PPP2R2C: variants seen among roughly 807,000 people sequenced by gnomAD.
The protein encoded by PPP2R2C is protein phosphatase 2 regulatory subunit Bgamma.
Under a neutral mutation model 45.3 loss-of-function variants are expected in PPP2R2C, and 10 were observed. That is an observed-to-expected ratio of 0.22 (90% CI 0.14 to 0.37). The LOEUF (loss-of-function observed/expected upper bound fraction) is 0.37, where lower values mean the gene tolerates loss of function less well. Ranked by LOEUF, PPP2R2C falls within the 10% of genes least tolerant of loss-of-function variation. PPP2R2C has a pLI of 1.00. For missense variants in PPP2R2C, 308 were observed against 619.7 expected (o/e 0.50, Z 5.34); for synonymous variants, 257 against 245.4 (o/e 1.05, Z -0.44).
At chr4:6,356,206 C>T (rs912350565) in intron 5 of PPP2R2C, among the ~76,000 whole-genome samples, 1 of 152,080 alleles carries the variant, frequency 6.6e-6, no homozygotes, top group Non-Finnish European at 1.5e-5. Flanking sequence ...CAAAGTTGTT[C>T]TACTGTTTAT....
At chr4:6,383,069 T>C (rs533469361) in intron 1 of PPP2R2C, 18 of 1,094,948 alleles carry the variant, frequency 1.6e-5, no homozygotes, top group Admixed American at 4.9e-5. Context: ...GTCCCTGTGT[T>C]TTGCTTTGGC....
At chr4:6,509,736 G>A (rs1052655469) in intron 2 of PPP2R2C, among the ~76,000 whole-genome samples, 13 of 152,224 alleles carry the variant, frequency 8.5e-5, no homozygotes, top group African/African-American at 3.1e-4. Flanking sequence ...ATGCCTGTGA[G>A]TCACGCTCCA....
intron 1 of PPP2R2C, among the ~76,000 whole-genome samples, chr4:6,439,966 C>A (rs1368600538): frequency 6.6e-6 from 1 of 152,222 alleles, no homozygotes; most frequent in East Asian, 1.9e-4. Flanking sequence ...GTAGAAAACT[C>A]TTGCTAAGCT....
intron 5 of PPP2R2C, chr4:6,350,455 CCT>C: frequency 2.0e-6 from 2 of 985,426 alleles, no homozygotes; most frequent in African/African-American, 3.5e-5. Flanking sequence ...CTCTGCACAC[CCT>C]GAGACACACA....
intron 1 of PPP2R2C, among the ~76,000 whole-genome samples, chr4:6,405,345 C>A (rs150134070): frequency 6.6e-6 from 1 of 152,332 alleles, no homozygotes; most frequent in African/African-American, 2.4e-5. Context: ...ACAGGAAGCT[C>A]AGTGCCCTAA....
chr4:6,414,225 T>A (rs1407067073), intron 1 of PPP2R2C, among the ~76,000 whole-genome samples: 1 of 151,554 alleles, frequency 6.6e-6, no homozygotes, highest in Non-Finnish European at 1.5e-5. Context: ...TGGCGTGAGC[T>A]GGTAAGTTCA....
chr4:6,392,377 A>G (rs187893505), intron 1 of PPP2R2C, among the ~76,000 whole-genome samples: 89 of 151,086 alleles, frequency 5.9e-4, no homozygotes, highest in African/African-American at 1.6e-3. Flanking sequence ...ATGTCAATAA[A>G]TAGCTCTTGG....
At chr4:6,562,475 G>T (rs12508505) in intron 1 of PPP2R2C, among the ~76,000 whole-genome samples, 4,087 of 151,688 alleles carry the variant, frequency 0.027, 251 homozygotes, top group East Asian at 0.23. Flanking sequence ...AGTCGGGGGG[G>T]GGGGTTGGAT....
chr4:6,514,555 G>A (rs1295256646), intron 2 of PPP2R2C, among the ~76,000 whole-genome samples: 5 of 152,174 alleles, frequency 3.3e-5, no homozygotes, highest in African/African-American at 1.2e-4. Context: ...CACAGGCTCT[G>A]AACTCAAAAA....
intron 1 of PPP2R2C, among the ~76,000 whole-genome samples, chr4:6,557,006 T>C (rs966933491): frequency 2.6e-5 from 4 of 152,102 alleles, no homozygotes; most frequent in Admixed American, 2.6e-4. Flanking sequence ...AGGATCAGGT[T>C]CCAGGCACAG....
At chr4:6,398,701 C>A (rs115885389) in intron 1 of PPP2R2C, among the ~76,000 whole-genome samples, 268 of 152,230 alleles carry the variant, frequency 1.8e-3, no homozygotes, top group African/African-American at 5.8e-3. Flanking sequence ...TTTCTTAAAG[C>A]GTGAAAATAA....
chr4:6,380,725 C>T (rs1715712314), intron 2 of PPP2R2C, among the ~76,000 whole-genome samples: 2 of 152,038 alleles, frequency 1.3e-5, no homozygotes, highest in South Asian at 4.2e-4. Context: ...CAGTGCACTC[C>T]CCCTACCACC....
At position 6,376,941 on chromosome 4, in the gene PPP2R2C, C is replaced by T. The variant is rs114716586; in HGVS notation, c.335-1010G>A. Among the ~76,000 whole-genome samples the T allele has an allele frequency of 4.6e-3, 705 of 152,282 alleles. 2 individuals are homozygous for T. Among genetic ancestry groups the T allele is most frequent in the Non-Finnish European group, 8.7e-3 (592 of 68,030 alleles). On this transcript the variant is annotated intron_variant, in intron 3 of 8. Transcript: ENST00000382599. ...GAGGTGCATGGCGGGAGAACACCAT[C>T]AGAACAGCAGGTGCCCAGAGAGGGG...
At chr4:6,527,201 C>G (rs1458533523) in intron 2 of PPP2R2C, among the ~76,000 whole-genome samples, 1 of 152,210 alleles carries the variant, frequency 6.6e-6, no homozygotes, top group Non-Finnish European at 1.5e-5. Flanking sequence ...TTAATATTAG[C>G]TATTTGCTAC....
At chr4:6,469,077 CAAAAAAAAAAAAAAAAAA>C (rs142008829) in intron 1 of PPP2R2C, among the ~76,000 whole-genome samples, 4 of 56,154 alleles carry the variant, frequency 7.1e-5, no homozygotes, top group Admixed American at 5.5e-4. Flanking sequence ...GCCCTGCCAC[CAAAAAAAAAAAAAAAAAA>C]AAAAAAAAAA....
intron 5 of PPP2R2C, among the ~76,000 whole-genome samples, chr4:6,367,981 A>G (rs1714477456): frequency 6.6e-6 from 1 of 152,218 alleles, no homozygotes; most frequent in Non-Finnish European, 1.5e-5. Context: ...CACTAAGGCC[A>G]GGGTGCTTTA....
In PPP2R2C at chr4:6,420,996, C is replaced by T. The variant is rs1273556511; in HGVS notation, c.71-39902G>A. 5.1e-6 allele frequency: 5 copies of T among 985,142 alleles called. No homozygotes were observed. The African/African-American group carries it at 8.7e-5, about 17-fold the overall frequency. 61.0% of individuals were successfully genotyped at this position (985,142 alleles called of 1,614,324 possible). The stretch of plus-strand genomic sequence containing the variant: ...CCAAGAGCTTGGGCAGCTGGTTCTC[C>T]TCGATGTGCCTGAGGAGGGCTTCGT... On this transcript the variant is annotated intron_variant, in intron 1 of 8. Transcript: ENST00000382599.
At chr4:6,482,724 A>G (rs2108779644) in intron 2 of PPP2R2C, among the ~76,000 whole-genome samples, 1 of 152,268 alleles carries the variant, frequency 6.6e-6, no homozygotes, top group African/African-American at 2.4e-5. Flanking sequence ...TCCTTAACCC[A>G]CTTGCTGTCT....
chr4:6,325,912 C>G (rs1019220227), intron 8 of PPP2R2C, among the ~76,000 whole-genome samples: 1 of 151,432 alleles, frequency 6.6e-6, no homozygotes, highest in African/African-American at 2.4e-5. Context: ...CCACCCGTGG[C>G]GCCTGTAATC....
Sources: gnomAD v4.1 joint callset for allele counts (sites outside exome capture counted in the v4.1 genomes callset) on GRCh38, gnomAD v4.1.1 for gene constraint, MANE v1.5 for transcripts, NCBI Gene and HGNC (gene_info 2026-07-23, HGNC 2026-07-21) for gene names.